The following RWDD2A variants were observed in gnomAD, a reference collection of about 807,000 sequenced individuals.
RWDD2A encodes the protein RWD domain-containing protein 2A.
A neutral mutation model predicts 23.1 loss-of-function variants in RWDD2A; 15 were observed. The ratio of observed to expected loss-of-function variants is 0.65; its 90% confidence interval spans 0.43 to 1.00. The LOEUF is 1.00. Ranked by LOEUF, RWDD2A falls within the 50% of genes least tolerant of loss-of-function variation. The pLI is 0.00. For synonymous variants in RWDD2A, 103 were observed against 123.0 expected, an observed-to-expected ratio of 0.84 and a Z score of 1.08; for missense variants, 310 against 341.7, an observed-to-expected ratio of 0.91 and a Z score of 0.73.
In RWDD2A at chr6:83,196,551, TTTGA is replaced by T. The variant is rs1789597981; in HGVS notation, c.*284_*287del. On this transcript the variant is annotated 3_prime_UTR_variant, in exon 3 of 3. Transcript: ENST00000369724. ...CAATCCATTTAACTTGTGAAGCTGA[TTTGA>T]TTGAAGAGGAATCCAAAGCCCATAA... 2 of 210,812 alleles carry T rather than the reference TTTGA, an allele frequency of 9.5e-6. No homozygotes were observed. The highest frequency in any genetic ancestry group is 1.9e-5 in the Non-Finnish European group (2 of 107,066). 13.1% of individuals were successfully genotyped at this position (210,812 alleles called of 1,614,324 possible). A position where few individuals can be genotyped will look rare whatever the true frequency, so the allele number is the denominator to read the frequency against.
In RWDD2A at chr6:83,197,570, T is replaced by A. The variant is rs1350288238; in HGVS notation, c.*1298T>A. 1 of 152,278 alleles carries A rather than the reference T, an allele frequency of 6.6e-6. No homozygotes were observed. The highest frequency in any genetic ancestry group is 1.9e-4 in the East Asian group (1 of 5,200). 9.4% of individuals were successfully genotyped at this position (152,278 alleles called of 1,614,324 possible). On this transcript the variant is annotated 3_prime_UTR_variant, in exon 3 of 3. Coordinates refer to ENST00000369724, the MANE Select transcript of RWDD2A (RefSeq NM_033411.5). ...GCCTCTGCAGCTTTCCGTGTTTCTG[T>A]GGTCAGCTACTGCTGCCCTTTCCCG...
chr6:83,194,451 C>T lies in RWDD2A; in HGVS notation c.-1C>T, dbSNP rs915578537. ...TCCAGGCAGGCTGATTGCGAGGCAA[C>T]ATGTCTGCTTCGGTGAAAGAAAGCC... On this transcript the variant is annotated 5_prime_UTR_variant, in exon 2 of 3. Transcript: ENST00000369724. 1.9e-6 allele frequency: 3 copies of T among 1,613,258 alleles called. No homozygotes were observed. The highest frequency in any genetic ancestry group is 2.5e-6 in the Non-Finnish European group (3 of 1,179,750).
chr6:83,194,212 G>T, intron 1 of RWDD2A, 100 bp from the exon 2 acceptor site: 3 of 441,248 alleles, frequency 6.8e-6, no homozygotes, highest in South Asian at 3.9e-5. Context: ...CGGGTACGCA[G>T]AATATGGGTT....
Position 83,196,405 on chromosome 6 carries a change from G to C in RWDD2A, c.*133G>C, listed in dbSNP as rs1339393710. Reference sequence around the variant, plus strand: ...AGCTCCAGAATTTTCACCTGGTAACGAATTTCAACTGACAGTGAAATGAAT... The same window carrying C: ...AGCTCCAGAATTTTCACCTGGTAACCAATTTCAACTGACAGTGAAATGAAT... On this transcript the variant is annotated 3_prime_UTR_variant, in exon 3 of 3. Transcript: ENST00000369724. 1.8e-6 allele frequency: 1 copy of C among 570,046 alleles called. No individual in the cohort carries two copies. 35.3% of individuals were successfully genotyped at this position (570,046 alleles called of 1,614,324 possible). A position where few individuals can be genotyped will look rare whatever the true frequency, so the allele number is the denominator to read the frequency against.
rs1470157474 is a variant in RWDD2A at position 83,196,087 on chromosome 6, A to G, written c.694A>G (p.Asn232Asp). The stretch of plus-strand genomic sequence containing the variant: ...TGCTGAAAGCGTGGAGACAGAAGGA[A>G]ATGGTGAGGACCTGCGCCTTTTCCA... ...KHAESVETEG[N>D]GEDLRLFHSF... is the part of the protein sequence containing the mutation. Residue 232 changes from asparagine (N) to aspartate (D), a missense_variant, in exon 3 of 3, where the codon AAT becomes GAT. Coordinates refer to ENST00000369724, the MANE Select transcript of RWDD2A (RefSeq NM_033411.5). The G allele has an allele frequency of 6.2e-7, 1 of 1,613,698 alleles. No homozygotes were observed.
At position 83,194,557 on chromosome 6, in the gene RWDD2A, G is replaced by T. The variant is rs544943545; in HGVS notation, c.106G>T (p.Ala36Ser). 6.2e-7 allele frequency: 1 copy of T among 1,614,110 alleles called. No individual in the cohort carries two copies. Among genetic ancestry groups the T allele is most frequent in the East Asian group, 2.2e-5 (1 of 44,870 alleles). Residue 36 changes from alanine (A) to serine (S), a missense_variant, in exon 2 of 3, where the codon GCC (alanine) becomes TCC (serine). Ala to Ser is a moderately conservative substitution (Grantham distance 99, BLOSUM62 1). Transcript: ENST00000369724. ...AGAAGTAAAACTTGAAGATGTAAAT[G>T]CCCTGACGAATATAAAGAGGTATTT... ...QGEVKLEDVN[A>S]LTNIKRYLEG...
At chr6:83,194,686 C>A (rs1789485087) in intron 2 of RWDD2A, 34 bp downstream of exon 2, 2 of 1,525,566 alleles carry the variant, frequency 1.3e-6, no homozygotes, top group East Asian at 4.5e-5. Flanking sequence ...TGCCAGGTGC[C>A]CAGTTTTTAA....
At position 83,194,420 on chromosome 6, in the gene RWDD2A, G is replaced by A. The variant is rs377076703; in HGVS notation, c.-32G>A. The A allele has an allele frequency of 5.6e-6, 9 of 1,603,806 alleles. No individual in the cohort carries two copies. Among genetic ancestry groups the A allele is most frequent in the African/African-American group, 1.3e-5 (1 of 74,422 alleles). Reference sequence around the variant, plus strand: ...CAAACCCAGCGTCCCTGAGCCTTGTGAGGTTTCCAGGCAGGCTGATTGCGA... The same window carrying A: ...CAAACCCAGCGTCCCTGAGCCTTGTAAGGTTTCCAGGCAGGCTGATTGCGA... On this transcript the variant is annotated 5_prime_UTR_variant, in exon 2 of 3. Transcript: ENST00000369724.
chr6:83,195,548 C>A, intron 2 of RWDD2A, 47 bp from the exon 3 acceptor site: 1 of 1,500,350 alleles, frequency 6.7e-7, no homozygotes, highest in Non-Finnish European at 9.2e-7. Context: ...GATAAACTAG[C>A]TTATGTGATG....
rs766246133 is a variant in RWDD2A at position 83,195,973 on chromosome 6, A to G, written c.580A>G (p.Ile194Val). ...TGFCMTGKPG[I>V]ICVEGFKEHC... ...ATTTTGCATGACAGGAAAGCCTGGTATAATCTGTGTGGAGGGTTTCAAAGA... is the reference window on the plus strand; with the variant it reads ...ATTTTGCATGACAGGAAAGCCTGGTGTAATCTGTGTGGAGGGTTTCAAAGA... The change falls in exon 3 of 3, where the codon ATA becomes GTA. Residue 194 changes from isoleucine to valine, a missense_variant. Transcript: ENST00000369724. 1.2e-6 allele frequency: 2 copies of G among 1,614,232 alleles called. No individual in the cohort carries two copies.
Position 83,194,739 on chromosome 6 carries a change from A to T in RWDD2A, c.201+87A>T, listed in dbSNP as rs1789489965. The stretch of plus-strand genomic sequence containing the variant: ...TGAGCTTTCTGTCAAGGAAAGATAG[A>T]AATATTCCAGGTGCATATTTCCTTG... On this transcript the variant is annotated intron_variant, in intron 2 of 2. Transcript: ENST00000369724. The T allele has an allele frequency of 5.1e-6, 5 of 986,426 alleles. No homozygotes were observed. In the East Asian group the frequency reaches 1.2e-4, roughly 24 times the overall value. The allele number at this position is 986,426 out of a possible 1,614,324, so 61.1% of individuals were successfully genotyped here. A position where few individuals can be genotyped will look rare whatever the true frequency, so the allele number is the denominator to read the frequency against.
At position 83,197,904 on chromosome 6, in the gene RWDD2A, C is replaced by T. The variant is rs1257647538; in HGVS notation, c.*1632C>T. The T allele has an allele frequency of 2.0e-5, 3 of 152,234 alleles. No individual in the cohort carries two copies. The highest frequency in any genetic ancestry group is 6.5e-5 in the Admixed American group (1 of 15,282). 9.4% of individuals were successfully genotyped at this position (152,234 alleles called of 1,614,324 possible). ...CTCAGGGCACAACTCAGATCTTCAA[C>T]CCATGGCTCGCTGTAGGCCTGCCCC... On this transcript the variant is annotated 3_prime_UTR_variant, in exon 3 of 3. Coordinates refer to ENST00000369724, the MANE Select transcript of RWDD2A (RefSeq NM_033411.5).
intron 2 of RWDD2A, among the ~76,000 whole-genome samples, chr6:83,195,346 G>A (rs775607113): frequency 1.1e-4 from 17 of 152,236 alleles, no homozygotes; most frequent in Middle Eastern, 3.4e-3. Flanking sequence ...CCTTCACTAG[G>A]CCCTGGACTT....
rs1789665279 is a variant in RWDD2A at position 83,198,179 on chromosome 6, C to T, written c.*1907C>T. The T allele has an allele frequency of 6.6e-6, 1 of 152,178 alleles. No homozygotes were observed. The highest frequency in any genetic ancestry group is 2.4e-5 in the African/African-American group (1 of 41,448). The allele number at this position is 152,178 out of a possible 1,614,324, so 9.4% of individuals were successfully genotyped here. A position where few individuals can be genotyped will look rare whatever the true frequency, so the allele number is the denominator to read the frequency against. On this transcript the variant is annotated 3_prime_UTR_variant, in exon 3 of 3. Coordinates refer to ENST00000369724, the MANE Select transcript of RWDD2A (RefSeq NM_033411.5). Reference sequence around the variant, plus strand: ...AGTTTTAGGCCTTCAACAGATGTAACTCCATCCAAATGAATCAATATGTGC... The same window carrying T: ...AGTTTTAGGCCTTCAACAGATGTAATTCCATCCAAATGAATCAATATGTGC...
At position 83,194,408 on chromosome 6, in the gene RWDD2A, C is replaced by G; in HGVS notation, c.-44C>G. On this transcript the variant is annotated 5_prime_UTR_variant, in exon 2 of 3. Transcript: ENST00000369724. ...GGCTGGCATTGACAAACCCAGCGTC[C>G]CTGAGCCTTGTGAGGTTTCCAGGCA... 1 of 1,586,070 alleles carries G rather than the reference C, an allele frequency of 6.3e-7. No homozygotes were observed. The highest frequency in any genetic ancestry group is 8.6e-7 in the Non-Finnish European group (1 of 1,162,732).
chr6:83,194,754 A>ATAT (rs1789490581), intron 2 of RWDD2A, 102 bp downstream of exon 2: 1 of 857,686 alleles, frequency 1.2e-6, no homozygotes, highest in African/African-American at 1.7e-5. Flanking sequence ...TTCCAGGTGC[A>ATAT]TATTTCCTTG....
rs1789469306 is a variant in RWDD2A at position 83,194,457 on chromosome 6, T to G, written c.6T>G (p.Ser2=). 6.2e-7 allele frequency: 1 copy of G among 1,613,734 alleles called. No individual in the cohort carries two copies. Among genetic ancestry groups the G allele is most frequent in the South Asian group, 1.1e-5 (1 of 91,052 alleles). The change falls in exon 2 of 3, where the codon TCT becomes TCG. Residue 2 remains serine, a synonymous_variant. Transcript: ENST00000369724. ...CAGGCTGATTGCGAGGCAACATGTC[T>G]GCTTCGGTGAAAGAAAGCCTTCAGC... is the stretch of plus-strand genomic sequence containing the variant. M[S]ASVKESLQLQ... is the part of the protein sequence containing the mutation.
At position 83,196,072 on chromosome 6, in the gene RWDD2A, G is replaced by A. The variant is rs779233613; in HGVS notation, c.679G>A (p.Val227Met). 5.0e-6 allele frequency: 8 copies of A among 1,613,532 alleles called. No individual in the cohort carries two copies. The African/African-American group carries it at 5.3e-5, about 11-fold the overall frequency. ...CATTTCCTGTAAGCATGCTGAAAGC[G>A]TGGAGACAGAAGGAAATGGTGAGGA... is the stretch of plus-strand genomic sequence containing the variant. ...KHISCKHAES[V>M]ETEGNGEDLR... The change falls in exon 3 of 3, where the codon GTG becomes ATG. Residue 227 changes from valine (V) to methionine (M), a missense_variant. By Grantham distance (21) the Val-to-Met change is conservative (BLOSUM62 1). Coordinates refer to ENST00000369724, the MANE Select transcript of RWDD2A (RefSeq NM_033411.5).
In RWDD2A at chr6:83,194,616, C is replaced by G; in HGVS notation, c.165C>G (p.Ile55Met). ...CAAGGGAGGCGCTGCCACCAAAAAT[C>G]GAATTTGTAATTACACTCCAGATTG... ...EGTREALPPK[I>M]EFVITLQIEE... The change falls in exon 2 of 3, where the codon ATC (isoleucine) becomes ATG (methionine). Residue 55 changes from isoleucine to methionine, a missense_variant. Coordinates refer to ENST00000369724, the MANE Select transcript of RWDD2A (RefSeq NM_033411.5). 6.2e-7 allele frequency: 1 copy of G among 1,614,092 alleles called. No individual in the cohort carries two copies. The highest frequency in any genetic ancestry group is 1.1e-5 in the South Asian group (1 of 91,052).
Sources: gnomAD v4.1 joint callset for allele counts (sites outside exome capture counted in the v4.1 genomes callset) on GRCh38, gnomAD v4.1.1 for gene constraint, MANE v1.5 for transcripts, NCBI Gene and HGNC (gene_info 2026-07-23, HGNC 2026-07-21) for gene names.